The following UNC13A variants were observed in gnomAD, a reference collection of about 807,000 sequenced individuals.
UNC13A encodes the protein protein unc-13 homolog A.
In UNC13A, 61 loss-of-function variants were observed where a neutral mutation model predicts 219.7. The ratio of observed to expected loss-of-function variants is 0.28; its 90% CI spans 0.23 to 0.34. The LOEUF (loss-of-function observed/expected upper bound fraction) is 0.34, where lower values mean the gene tolerates loss of function less well. UNC13A is among the 10% of genes least tolerant of loss of function. UNC13A has a pLI of 1.00. For missense variants in UNC13A, 1,476 were observed against 2,270.3 expected, an observed-to-expected ratio of 0.65 and a Z score of 7.11; for synonymous variants, 920 against 884.6, an observed-to-expected ratio of 1.04 and a Z score of -0.71.
rs1016252345 is a variant in UNC13A, at chr19:17,629,156, T to C, written c.3753+84A>G. 8 of 1,157,564 alleles carry C rather than the reference T, an allele frequency of 6.9e-6. No individual in the cohort carries two copies. In the East Asian group the frequency reaches 1.8e-4, roughly 26 times the overall value. The allele number at this position is 1,157,564 out of a possible 1,614,324, so 71.7% of individuals were successfully genotyped here. ...ACAGGTGGACATACATAGCCCCAGG[T>C]GTCAGGGCCCTGGGGAGAAGGGAGT... On this transcript the variant is annotated intron_variant, in intron 31 of 43. Transcript: ENST00000519716.
chr19:17,647,203 G>A, intron 17 of UNC13A, 62 bp downstream of exon 17: 1 of 1,433,244 alleles, frequency 7.0e-7, no homozygotes, highest in Non-Finnish European at 9.5e-7. Flanking sequence ...ATGGGACAGG[G>A]CATGAGACAG....
At chr19:17,668,884 C>G (rs1225206523) in intron 5 of UNC13A, among the ~76,000 whole-genome samples, 1 of 152,222 alleles carries the variant, frequency 6.6e-6, no homozygotes, top group Non-Finnish European at 1.5e-5. Flanking sequence ...AAGCCTCAAA[C>G]TCCTGGGCTT....
rs533722538 is a variant in UNC13A, at chr19:17,686,298, GCCC to G, written c.22+1877_22+1879del. On this transcript the variant is annotated intron_variant, in intron 1 of 43. Transcript: ENST00000519716. ...CGTCAGAGTTAAGGGTGAGATCCCC[GCCC>G]CCCCCCCCCCCCCCCCACTCCACTA... 2.3e-3 allele frequency among the ~76,000 whole-genome samples: 186 copies of G among 81,790 alleles called. 2 individuals carry two copies. The highest frequency in any genetic ancestry group is 4.5e-3 in the African/African-American group (133 of 29,294). 53.7% of individuals were successfully genotyped at this position (81,790 alleles called of 152,430 possible). A position where few individuals can be genotyped will look rare whatever the true frequency, so the allele number is the denominator to read the frequency against.
At position 17,649,121 on chromosome 19, in the gene UNC13A, A is replaced by C; in HGVS notation, c.1525-138T>G. 1 of 1,191,310 alleles carries C rather than the reference A, an allele frequency of 8.4e-7. No homozygotes were observed. Among genetic ancestry groups the C allele is most frequent in the Non-Finnish European group, 1.2e-6 (1 of 843,812 alleles). 73.8% of individuals were successfully genotyped at this position (1,191,310 alleles called of 1,614,324 possible). A position where few individuals can be genotyped will look rare whatever the true frequency, so the allele number is the denominator to read the frequency against. On this transcript the variant is annotated intron_variant, in intron 14 of 43. Transcript: ENST00000519716. The surrounding 1 kb of genome is among the most constrained non-coding windows in gnomAD (Gnocchi z 4.4). ...AAGTTGGAAACAGGTCACCGACAGC[A>C]TCCGGGCCAGACCCAACAAAGAATT...
At chr19:17,643,016 T>A (rs2076987050) in intron 19 of UNC13A, 56 bp from the exon 20 acceptor site, 1 of 536,372 alleles carries the variant, frequency 1.9e-6, no homozygotes, top group Non-Finnish European at 2.6e-6. Flanking sequence ...CAGTGGGCAA[T>A]TTTTTTTTTT....
At chr19:17,607,781 C>T (rs2076549859) in intron 43 of UNC13A, among the ~76,000 whole-genome samples, 1 of 151,816 alleles carries the variant, frequency 6.6e-6, no homozygotes, top group Non-Finnish European at 1.5e-5. Context: ...TGCCCCAGTG[C>T]TCTGTGAGGC....
rs116386295 is a variant in UNC13A, at chr19:17,665,904, G to A, written c.523+746C>T. On this transcript the variant is annotated intron_variant, in intron 7 of 43. Coordinates refer to ENST00000519716, the MANE Select transcript of UNC13A (RefSeq NM_001080421.3). ...TCAGAGTGAGGGGGCTGTCAGATGCGCTATTTCAAAGAGAGGGCCCCTAAA... is the reference window on the plus strand; with the variant it reads ...TCAGAGTGAGGGGGCTGTCAGATGCACTATTTCAAAGAGAGGGCCCCTAAA... Among the ~76,000 whole-genome samples, 801 of 152,150 alleles carry A rather than the reference G, an allele frequency of 5.3e-3. 3 individuals carry two copies. Among genetic ancestry groups the A allele is most frequent in the African/African-American group, 0.017 (694 of 41,492 alleles).
intron 6 of UNC13A, among the ~76,000 whole-genome samples, 190 bp from the exon 7 acceptor site, chr19:17,666,894 G>A (rs1302195707): frequency 1.4e-5 from 1 of 73,854 alleles, no homozygotes; most frequent in Non-Finnish European, 2.9e-5. Flanking sequence ...GAGAGAGAGA[G>A]AGAGAGAGAG....
At chr19:17,657,711 A>T in intron 9 of UNC13A, among the ~76,000 whole-genome samples, 1 of 151,976 alleles carries the variant, frequency 6.6e-6, no homozygotes, top group East Asian at 1.9e-4. Context: ...CACAAAAAAT[A>T]AAAATAAATT....
At chr19:17,687,983 C>T (rs1371737637) in intron 1 of UNC13A, among the ~76,000 whole-genome samples, 195 bp downstream of exon 1, 3 of 150,378 alleles carry the variant, frequency 2.0e-5, no homozygotes, top group African/African-American at 7.4e-5. Flanking sequence ...CACCAGGACC[C>T]CCGAGAGCCC....
chr19:17,644,987 C>T (rs944720113), intron 19 of UNC13A, among the ~76,000 whole-genome samples: 4 of 150,024 alleles, frequency 2.7e-5, no homozygotes, highest in Non-Finnish European at 4.4e-5. Context: ...TGAGCCACTG[C>T]CCGGCGCCCC....
chr19:17,608,360 A>AATATAAAT (rs1051507154), intron 43 of UNC13A, among the ~76,000 whole-genome samples: 2 of 105,732 alleles, frequency 1.9e-5, no homozygotes, highest in African/African-American at 8.4e-5. Flanking sequence ...ATATAATATA[A>AATATAAAT]ATATATATTA....
At chr19:17,643,115 G>A (rs969934226) in intron 19 of UNC13A, among the ~76,000 whole-genome samples, 155 bp from the exon 20 acceptor site, 12 of 151,798 alleles carry the variant, frequency 7.9e-5, no homozygotes, top group African/African-American at 2.7e-4. Flanking sequence ...GGGTTCAAGC[G>A]ATTCTCCTGT....
intron 6 of UNC13A, among the ~76,000 whole-genome samples, 188 bp downstream of exon 6, chr19:17,667,929 T>C (rs2079690811): frequency 6.6e-6 from 1 of 151,958 alleles, no homozygotes; most frequent in African/African-American, 2.4e-5. Flanking sequence ...CCTCTGTGTG[T>C]TTCTTGACCC....
intron 12 of UNC13A, among the ~76,000 whole-genome samples, chr19:17,650,911 T>A (rs184576304): frequency 4.7e-5 from 7 of 150,066 alleles, no homozygotes; most frequent in African/African-American, 1.5e-4. Flanking sequence ...GGACCATAGG[T>A]GTACACCGCC....
chr19:17,665,139 G>A (rs1022446888), intron 7 of UNC13A, among the ~76,000 whole-genome samples: 1 of 151,802 alleles, frequency 6.6e-6, no homozygotes, highest in East Asian at 1.9e-4. Flanking sequence ...GGCAGAGGCT[G>A]CAGTGAGCCA....
intron 23 of UNC13A, 80 bp downstream of exon 23, chr19:17,639,760 C>T (rs2076948197): frequency 6.6e-7 from 1 of 1,523,842 alleles, no homozygotes; most frequent in Non-Finnish European, 9.1e-7. Context: ...TCCTCCCATG[C>T]ACACACCTGC....
chr19:17,648,997 A>C lies in UNC13A; in HGVS notation c.1525-14T>G, dbSNP rs2079295792. Reference sequence around the variant, plus strand: ...CTGGACCAGGGACTGGGGAGGTCACAGAAGAGGGAGTCGGGGGGGTTGACA... The same window carrying C: ...CTGGACCAGGGACTGGGGAGGTCACCGAAGAGGGAGTCGGGGGGGTTGACA... On this transcript the variant is annotated splice_polypyrimidine_tract_variant and intron_variant, in intron 14 of 43. Transcript: ENST00000519716. 6.3e-7 allele frequency: 1 copy of C among 1,591,682 alleles called. No individual in the cohort carries two copies. The highest frequency in any genetic ancestry group is 2.3e-5 in the East Asian group (1 of 44,026).
At chr19:17,621,985 G>T in intron 36 of UNC13A, 115 bp from the exon 37 acceptor site, 1 of 1,066,862 alleles carries the variant, frequency 9.4e-7, no homozygotes. Flanking sequence ...CAGGGTACTG[G>T]TGACTGGGTT....
Sources: allele counts gnomAD v4.1 joint callset (sites outside exome capture counted in the v4.1 genomes callset), GRCh38; gene constraint gnomAD v4.1.1; non-coding constraint Gnocchi (gnomAD v3.1); transcripts MANE v1.5; gene names NCBI Gene and HGNC (gene_info 2026-07-23, HGNC 2026-07-21).